The following SIAE variants were observed in gnomAD, a reference collection of about 807,000 sequenced individuals.
The protein encoded by SIAE is sialate O-acetylesterase.
Under a neutral mutation model 52.6 loss-of-function variants are expected in SIAE, and 39 were observed. The observed-to-expected ratio is 0.74, with a 90% confidence interval of 0.57 to 0.97. The LOEUF is 0.97. Ranked by LOEUF, SIAE falls within the 50% of genes least tolerant of loss-of-function variation. The pLI is 0.00. For missense variants in SIAE, 592 were observed against 662.1 expected (o/e 0.89, Z 1.16); for synonymous variants, 233 against 241.4 (o/e 0.97, Z 0.32).
chr11:124,633,834 A>C lies in SIAE; in HGVS notation c.*3117T>G, dbSNP rs1175198742. ...ATATATGCTGCTTTTATCATATAAC[A>C]AATATTTTCCCACTATTACAGCCTG... On this transcript the variant is annotated 3_prime_UTR_variant, in exon 10 of 10. Transcript: ENST00000263593. 1 of 152,202 alleles carries C rather than the reference A, an allele frequency of 6.6e-6. No individual in the cohort carries two copies. Among genetic ancestry groups the C allele is most frequent in the Non-Finnish European group, 1.5e-5 (1 of 68,036 alleles). The allele number at this position is 152,202 out of a possible 1,614,324, so 9.4% of individuals were successfully genotyped here. A position where few individuals can be genotyped will look rare whatever the true frequency, so the allele number is the denominator to read the frequency against.
rs763535524 is a variant in SIAE at position 124,669,387 on chromosome 11, T to G, written c.202A>C (p.Ile68Leu). ...TVTLRQGQET[I>L]MKKVTSVKAH... ...TTCACACTGGTCACTTTCTTCATGA[T>G]GGTTTCCTGACCTTGGCGCAGGGTC... is the stretch of plus-strand genomic sequence containing the variant. Residue 68 changes from isoleucine (I) to leucine (L), a missense_variant, in exon 2 of 10, where the codon ATC becomes CTC. Transcript: ENST00000263593. 4.3e-6 allele frequency: 7 copies of G among 1,614,200 alleles called. No homozygotes were observed. In the South Asian group the frequency reaches 6.6e-5, roughly 15 times the overall value.
intron 3 of SIAE, among the ~76,000 whole-genome samples, chr11:124,658,249 C>A (rs1220075852): frequency 6.6e-6 from 1 of 150,626 alleles, no homozygotes; most frequent in African/African-American, 2.5e-5. Flanking sequence ...TGCACACACA[C>A]ACACACACAC....
At chr11:124,668,912 G>A (rs1024222437) in intron 2 of SIAE, among the ~76,000 whole-genome samples, 1 of 152,210 alleles carries the variant, frequency 6.6e-6, no homozygotes, top group East Asian at 1.9e-4. Context: ...AAGGTAAGAA[G>A]GTAAGAAGGT....
At position 124,634,479 on chromosome 11, in the gene SIAE, T is replaced by C. The variant is rs1182499476; in HGVS notation, c.*2472A>G. ...GAGGGCAAAAAAAGGACTACCTTGG[T>C]GAGAATGTAAGTTGTTTAATCCTTT... On this transcript the variant is annotated 3_prime_UTR_variant, in exon 10 of 10. Transcript: ENST00000263593. 6.6e-6 allele frequency: 1 copy of C among 152,112 alleles called. No homozygotes were observed. Among genetic ancestry groups the C allele is most frequent in the Non-Finnish European group, 1.5e-5 (1 of 68,026 alleles). 9.4% of individuals were successfully genotyped at this position (152,112 alleles called of 1,614,324 possible).
In SIAE at chr11:124,673,655, G is replaced by C; in HGVS notation, c.54C>G (p.Ala18=). The change falls in exon 1 of 10, where the codon GCC becomes GCG. Residue 18 remains alanine, a synonymous_variant. Coordinates refer to ENST00000263593, the MANE Select transcript of SIAE (RefSeq NM_170601.5). The part of the protein sequence containing the change: ...LGLVLPLILW[A]DRSAGIGFRF... The stretch of plus-strand genomic sequence containing the variant: ...GGGCCGCCTCACCTGCACTTCTGTC[G>C]GCCCACAGGATTAATGGCAGCACCA... 6.2e-7 allele frequency: 1 copy of C among 1,613,612 alleles called. No homozygotes were observed. Among genetic ancestry groups the C allele is most frequent in the Non-Finnish European group, 8.5e-7 (1 of 1,179,806 alleles).
chr11:124,673,018 C>A (rs1943391063), intron 1 of SIAE, among the ~76,000 whole-genome samples: 1 of 152,158 alleles, frequency 6.6e-6, no homozygotes, highest in East Asian at 1.9e-4. Context: ...ATCTGACCTG[C>A]GCAACAGCCA....
rs752111223 is a variant in SIAE, at chr11:124,667,777, G to A, written c.229+1583C>T. Among the ~76,000 whole-genome samples, 24 of 152,070 alleles carry A rather than the reference G, an allele frequency of 1.6e-4. 1 individual carries two copies. Among genetic ancestry groups the A allele is most frequent in the Non-Finnish European group, 2.9e-4 (20 of 68,010 alleles). On this transcript the variant is annotated intron_variant, in intron 2 of 9. Transcript: ENST00000263593. ...GCCTTCCTTCATCCCATAACTTCTA[G>A]CTTTGCCTCCTCCACACCGGCTTCT...
In SIAE at chr11:124,637,030, C is replaced by G; in HGVS notation, c.1493G>C (p.Ser498Thr). 6.2e-7 allele frequency: 1 copy of G among 1,614,162 alleles called. No individual in the cohort carries two copies. Among genetic ancestry groups the G allele is most frequent in the Non-Finnish European group, 8.5e-7 (1 of 1,180,028 alleles). ...GAAGGGAGGGGCTGGCAGGGCACTACTGGGGTGGTATAGGGGACACTGCTT... is the reference window on the plus strand; with the variant it reads ...GAAGGGAGGGGCTGGCAGGGCACTAGTGGGGTGGTATAGGGGACACTGCTT... ...EYKQCPLYHPSSALPAPPFIA... is the reference protein window; with the variant it reads ...EYKQCPLYHPTSALPAPPFIA... The change falls in exon 10 of 10, where the codon AGT becomes ACT. Residue 498 changes from serine (S) to threonine (T), a missense_variant. Physicochemically the swap from Ser to Thr is moderately conservative, Grantham distance 58 (BLOSUM62 1). Coordinates refer to ENST00000263593, the MANE Select transcript of SIAE (RefSeq NM_170601.5).
chr11:124,645,066 T>A lies in SIAE; in HGVS notation c.966+2299A>T, dbSNP rs566060034. 1.3e-5 allele frequency among the ~76,000 whole-genome samples: 2 copies of A among 152,314 alleles called. No individual in the cohort carries two copies. The highest frequency in any genetic ancestry group is 3.9e-4 in the East Asian group (2 of 5,192). ...AATAACAAAGAGTTCAGTATCGTGTTCGAAATCACGTGGCTCAGGAGGTGT... is the reference window on the plus strand; with the variant it reads ...AATAACAAAGAGTTCAGTATCGTGTACGAAATCACGTGGCTCAGGAGGTGT... On this transcript the variant is annotated intron_variant, in intron 7 of 9. Transcript: ENST00000263593. This position sits in a 1 kb window ranked among gnomAD's most constrained non-coding sequence, Gnocchi z 4.7.
chr11:124,664,862 C>T (rs1304466368), intron 2 of SIAE, among the ~76,000 whole-genome samples: 9 of 150,542 alleles, frequency 6.0e-5, no homozygotes, highest in East Asian at 2.0e-4. Context: ...ATGAAAAAAG[C>T]GCCCCTGTTC....
chr11:124,673,792 C>T (rs1299983640), upstream of SIAE: 1 of 1,514,732 alleles, frequency 6.6e-7, no homozygotes, highest in African/African-American at 1.4e-5. Flanking sequence ...GAGGCCGACT[C>T]CACCCTTTTG....
At chr11:124,672,278 G>A (rs1943373975) in intron 1 of SIAE, among the ~76,000 whole-genome samples, 1 of 152,298 alleles carries the variant, frequency 6.6e-6, no homozygotes, top group Non-Finnish European at 1.5e-5. Context: ...GTGTTATGGG[G>A]AAGAGAGGGC....
chr11:124,637,306 C>CTT (rs1942765554), intron 9 of SIAE, 104 bp from the exon 10 acceptor site: 2 of 1,524,282 alleles, frequency 1.3e-6, no homozygotes, highest in Non-Finnish European at 1.8e-6. Context: ...AGGAGACACT[C>CTT]TTCACCAAGG....
Position 124,660,769 on chromosome 11 carries a change from A to G in SIAE, c.264T>C (p.Pro88=). The G allele has an allele frequency of 6.2e-7, 1 of 1,614,224 alleles. No homozygotes were observed. The highest frequency in any genetic ancestry group is 8.5e-7 in the Non-Finnish European group (1 of 1,180,032). Residue 88 remains proline, a synonymous_variant, in exon 3 of 10, where the codon CCT becomes CCC. Transcript: ENST00000263593. ...HSDTWMVVLD[P]MKPGGPFEVM... ...CTTCGAAAGGTCCTCCAGGCTTCATAGGATCCAGTACCACCATCCACGTAT... is the reference window on the plus strand; with the variant it reads ...CTTCGAAAGGTCCTCCAGGCTTCATGGGATCCAGTACCACCATCCACGTAT...
In SIAE at chr11:124,654,701, C is replaced by T. The variant is rs1435831314; in HGVS notation, c.498G>A (p.Leu166=). 6.2e-7 allele frequency: 1 copy of T among 1,614,196 alleles called. No homozygotes were observed. Among genetic ancestry groups the T allele is most frequent in the South Asian group, 1.1e-5 (1 of 91,076 alleles). ...GCAAGTCAACCGCAACAAGGTCCTC[C>T]AGCTCCTGCTCTGCTTGAATGGGAG... ...SVSPIQAEQE[L]EDLVAVDLQW... Residue 166 remains leucine (L), a synonymous_variant, in exon 4 of 10, where the codon CTG becomes CTA. Coordinates refer to ENST00000263593, the MANE Select transcript of SIAE (RefSeq NM_170601.5).
At chr11:124,664,494 G>A (rs183316095) in intron 2 of SIAE, among the ~76,000 whole-genome samples, 9 of 152,082 alleles carry the variant, frequency 5.9e-5, no homozygotes, top group East Asian at 1.9e-4. Context: ...TCAGTCTCCC[G>A]AAGTGCTGGG....
chr11:124,675,446 T>A (rs775663223), upstream of SIAE: 3 of 1,600,448 alleles, frequency 1.9e-6, no homozygotes, highest in African/African-American at 1.4e-5. Context: ...AGTCATTTTT[T>A]AAAATAAGAA....
chr11:124,672,622 A>G (rs1308720581), intron 1 of SIAE, among the ~76,000 whole-genome samples: 2 of 152,218 alleles, frequency 1.3e-5, no homozygotes, highest in Non-Finnish European at 2.9e-5. Flanking sequence ...CTTTAACTGA[A>G]AACCTAATAA....
At chr11:124,665,622 C>G (rs1410192101) in intron 2 of SIAE, among the ~76,000 whole-genome samples, 1 of 152,098 alleles carries the variant, frequency 6.6e-6, no homozygotes, top group African/African-American at 2.4e-5. Flanking sequence ...TTTTAAGCAC[C>G]TAAGTTTGTG....
Sources: gnomAD v4.1 joint callset for allele counts (sites outside exome capture counted in the v4.1 genomes callset) on GRCh38, gnomAD v4.1.1 for gene constraint, Gnocchi (gnomAD v3.1) non-coding constraint, MANE v1.5 for transcripts, NCBI Gene and HGNC (gene_info 2026-07-23, HGNC 2026-07-21) for gene names.